The following CORIN variants were observed in gnomAD, a reference collection of about 807,000 sequenced individuals.
CORIN encodes the protein atrial natriuretic peptide-converting enzyme.
Under a neutral mutation model 125.3 loss-of-function variants are expected in CORIN, and 117 were observed. The observed-to-expected ratio is 0.93, with a 90% CI of 0.80 to 1.09. The LOEUF is 1.09. CORIN is among the 50% of genes least tolerant of loss of function. The probability of loss-of-function intolerance (pLI) is 0.00; values close to 1 mark genes in which losing one functional copy is unlikely to be tolerated. For missense variants in CORIN, 1,253 were observed against 1,306.7 expected, an observed-to-expected ratio of 0.96 and a Z score of 0.63; for synonymous variants, 450 against 466.4, an observed-to-expected ratio of 0.96 and a Z score of 0.45.
At chr4:47,605,152 C>T (rs1577729553) in intron 19 of CORIN, among the ~76,000 whole-genome samples, 2 of 152,146 alleles carry the variant, frequency 1.3e-5, no homozygotes, top group African/African-American at 4.8e-5. Context: ...CCTGTCTCAC[C>T]CTTACTCTGC....
intron 4 of CORIN, among the ~76,000 whole-genome samples, chr4:47,752,190 G>T (rs1728934164): frequency 6.6e-6 from 1 of 152,022 alleles, no homozygotes; most frequent in Admixed American, 6.5e-5. Context: ...CCCTCCCAAA[G>T]CTCTCCATTC....
At chr4:47,787,227 G>A (rs1025941337) in intron 2 of CORIN, among the ~76,000 whole-genome samples, 4 of 152,100 alleles carry the variant, frequency 2.6e-5, no homozygotes, top group African/African-American at 9.7e-5. Flanking sequence ...CAAAAATGTA[G>A]GGTAATTCTA....
chr4:47,667,169 C>A (rs1724517922), intron 10 of CORIN, among the ~76,000 whole-genome samples: 1 of 152,300 alleles, frequency 6.6e-6, no homozygotes, highest in African/African-American at 2.4e-5. Flanking sequence ...CTCTTGTCTG[C>A]CACCATGTGA....
At chr4:47,805,518 G>A (rs749961165) in intron 2 of CORIN, among the ~76,000 whole-genome samples, 30 of 152,054 alleles carry the variant, frequency 2.0e-4, no homozygotes, top group Admixed American at 1.2e-3. Flanking sequence ...TCAGAGCCCC[G>A]AACTGGTCTC....
intron 5 of CORIN, among the ~76,000 whole-genome samples, chr4:47,714,037 C>T (rs564770952): frequency 4.6e-5 from 7 of 152,156 alleles, no homozygotes; most frequent in East Asian, 3.9e-4. Context: ...GGAAAGGGCA[C>T]GGGGTTTTAC....
intron 5 of CORIN, among the ~76,000 whole-genome samples, chr4:47,731,599 G>A (rs149525640): frequency 2.6e-5 from 4 of 152,144 alleles, no homozygotes; most frequent in Non-Finnish European, 5.9e-5. Flanking sequence ...GGCCGGGCAC[G>A]GTGGCTCACG....
chr4:47,833,082 A>G (rs1001238170), intron 1 of CORIN, among the ~76,000 whole-genome samples: 6 of 151,932 alleles, frequency 3.9e-5, no homozygotes, highest in Non-Finnish European at 7.4e-5. Flanking sequence ...TCAAGTAAAA[A>G]CAGATTAGGA....
intron 5 of CORIN, among the ~76,000 whole-genome samples, chr4:47,731,694 C>T: frequency 6.6e-6 from 1 of 152,010 alleles, no homozygotes; most frequent in East Asian, 1.9e-4. Context: ...CATGGTGAAA[C>T]CCCATCTCTA....
chr4:47,806,948 T>C lies in CORIN; in HGVS notation c.163A>G (p.Ile55Val). 6.2e-7 allele frequency: 1 copy of C among 1,613,876 alleles called. No homozygotes were observed. Among genetic ancestry groups the C allele is most frequent in the Non-Finnish European group, 8.5e-7 (1 of 1,179,842 alleles). The change falls in exon 2 of 22, where the codon ATC (isoleucine) becomes GTC (valine). Residue 55 changes from isoleucine (I) to valine (V), a missense_variant. Transcript: ENST00000273857. ...ACCAGCAAGAGAACGAGAGCACAGA[T>C]ACATGGAATCAGGACCAGCAATAGG... ...RFLLLVLIPC[I>V]CALVLLLVIL...
At chr4:47,649,284 A>C (rs1723628524) in intron 13 of CORIN, among the ~76,000 whole-genome samples, 1 of 152,084 alleles carries the variant, frequency 6.6e-6, no homozygotes, top group African/African-American at 2.4e-5. Flanking sequence ...CAAAACCAAC[A>C]CTATCTCCAG....
rs552133865 is a variant in CORIN at position 47,685,627 on chromosome 4, T to C, written c.914-1789A>G. On this transcript the variant is annotated intron_variant, in intron 6 of 21. Transcript: ENST00000273857. ...TATAAGTTTACTAAAAATCAATAGATGAAATTTATAGGATGTAAATTATAC... is the reference window on the plus strand; with the variant it reads ...TATAAGTTTACTAAAAATCAATAGACGAAATTTATAGGATGTAAATTATAC... Among the ~76,000 whole-genome samples the C allele has an allele frequency of 7.5e-4, 114 of 152,216 alleles. 1 individual carries two copies. The highest frequency in any genetic ancestry group is 2.6e-3 in the African/African-American group (108 of 41,524).
rs146275416 is a variant in CORIN at position 47,763,457 on chromosome 4, C to T, written c.539G>A (p.Arg180His). The T allele has an allele frequency of 5.0e-5, 81 of 1,614,024 alleles. No individual in the cohort carries two copies. The highest frequency in any genetic ancestry group is 4.3e-4 in the African/African-American group (32 of 75,004). ...KFLKFFTYLH[R>H]LSCYQHIMLF... Reference sequence around the variant, plus strand: ...CATGATATGTTGATAGCAACTGAGGCGATGGAGATATGTGAAAAACTTGAG... The same window carrying T: ...CATGATATGTTGATAGCAACTGAGGTGATGGAGATATGTGAAAAACTTGAG... Residue 180 changes from arginine to histidine, a missense_variant, in exon 4 of 22, where the codon CGC becomes CAC. Arg to His is a conservative substitution (Grantham distance 29, BLOSUM62 0). Transcript: ENST00000273857.
chr4:47,735,714 A>G (rs1485950146), intron 5 of CORIN, among the ~76,000 whole-genome samples: 1 of 151,996 alleles, frequency 6.6e-6, no homozygotes, highest in Non-Finnish European at 1.5e-5. Flanking sequence ...AGGTCAGGAG[A>G]TCAAGACCAC....
In CORIN at chr4:47,600,219, A is replaced by G. The variant is rs1721400250; in HGVS notation, c.2941T>C (p.Cys981Arg). ...GTAACCAGAAAGCAACTTACCATGC[A>G]TGAATCAACTGTGCCAGACTCATAG... ...AGYESGTVDSCMGDSGGPLVC... is the reference protein window; with the variant it reads ...AGYESGTVDSRMGDSGGPLVC... The change falls in exon 21 of 22, where the codon TGC (cysteine) becomes CGC (arginine). Residue 981 changes from cysteine (C) to arginine (R), a missense_variant. Coordinates refer to ENST00000273857, the MANE Select transcript of CORIN (RefSeq NM_006587.4). The G allele has an allele frequency of 1.2e-6, 2 of 1,608,286 alleles. No individual in the cohort carries two copies. The highest frequency in any genetic ancestry group is 4.5e-5 in the East Asian group (2 of 44,774).
chr4:47,606,766 C>CT (rs1242140421), intron 19 of CORIN, among the ~76,000 whole-genome samples: 1 of 150,328 alleles, frequency 6.7e-6, no homozygotes, highest in Non-Finnish European at 1.5e-5. Context: ...CCTCCCTTCT[C>CT]TCCTTTCTTC....
At chr4:47,774,651 C>T (rs1244169639) in intron 3 of CORIN, among the ~76,000 whole-genome samples, 1 of 152,052 alleles carries the variant, frequency 6.6e-6, no homozygotes, top group Non-Finnish European at 1.5e-5. Flanking sequence ...GAAAAGGGAG[C>T]AAGTAGACTC....
chr4:47,639,830 A>C (rs976413327), intron 16 of CORIN, among the ~76,000 whole-genome samples: 1 of 152,204 alleles, frequency 6.6e-6, no homozygotes, highest in Admixed American at 6.5e-5. Context: ...CAGCAGGAAG[A>C]TAGCCTCATC....
intron 5 of CORIN, among the ~76,000 whole-genome samples, chr4:47,710,610 T>C (rs1055861011): frequency 3.3e-5 from 5 of 152,178 alleles, no homozygotes; most frequent in Admixed American, 3.3e-4. Context: ...AGCTCCTCCT[T>C]CCCCGCTTGT....
chr4:47,658,085 G>C (rs540837587), intron 12 of CORIN, among the ~76,000 whole-genome samples: 1 of 152,240 alleles, frequency 6.6e-6, no homozygotes, highest in Admixed American at 6.5e-5. Context: ...TTCTACCTAT[G>C]AGCCTGTAAA....
Sources: allele counts gnomAD v4.1 joint callset (sites outside exome capture counted in the v4.1 genomes callset), GRCh38; gene constraint gnomAD v4.1.1; transcripts MANE v1.5; gene names NCBI Gene and HGNC (gene_info 2026-07-23, HGNC 2026-07-21).